The following C7orf25 variants were observed in gnomAD, a reference collection of about 807,000 sequenced individuals.
C7orf25 encodes the protein chromosome 7 open reading frame 25, also known as UPF0415 protein C7orf25.
C7orf25 carries 14 observed loss-of-function variants against 25.5 expected under a neutral mutation model. The observed-to-expected ratio is 0.55, with a 90% CI of 0.36 to 0.86. The LOEUF is 0.86. C7orf25 is among the 40% of genes least tolerant of loss of function. C7orf25 has a pLI of 0.01. For missense variants in C7orf25, 405 were observed against 493.9 expected (o/e 0.82, Z 1.71); for synonymous variants, 184 against 179.9 (o/e 1.02, Z -0.18).
intron 1 of C7orf25, chr7:42,911,143 C>A: frequency 3.7e-6 from 3 of 809,222 alleles, no homozygotes; most frequent in Admixed American, 4.1e-5. Context: ...GTCTGACACA[C>A]TTTAGACCTT....
At position 42,909,619 on chromosome 7, in the gene C7orf25, T is replaced by C. The variant is rs1785832086; in HGVS notation, c.*16A>G. The C allele has an allele frequency of 1.3e-6, 2 of 1,585,006 alleles. No individual in the cohort carries two copies. The highest frequency in any genetic ancestry group is 1.7e-6 in the Non-Finnish European group (2 of 1,167,390). ...TATAAATAACTTACTTCCACAAAAA[T>C]ATTTAAAGGGTATCTTTAGTGTTCA... On this transcript the variant is annotated 3_prime_UTR_variant, in exon 2 of 2. Coordinates refer to ENST00000350427, the MANE Select transcript of C7orf25 (RefSeq NM_001099858.2).
At chr7:42,911,099 T>C (rs1429650516) in intron 1 of C7orf25, 178 bp from the exon 2 acceptor site, 4 of 1,069,302 alleles carry the variant, frequency 3.7e-6, no homozygotes, top group Non-Finnish European at 5.5e-6. Context: ...AAGGAAAGGA[T>C]GGCAGCTACA....
intron 1 of C7orf25, 86 bp downstream of exon 1, chr7:42,911,829 C>CGCCGG (rs1172647509): frequency 1.5e-6 from 2 of 1,300,376 alleles, no homozygotes; most frequent in African/African-American, 3.1e-5. Context: ...ACCCCCTTCC[C>CGCCGG]GCCGGGCCGG....
chr7:42,910,717 A>C lies in C7orf25; in HGVS notation c.184T>G (p.Ser62Ala). 1 of 1,614,076 alleles carries C rather than the reference A, an allele frequency of 6.2e-7. No homozygotes were observed. The highest frequency in any genetic ancestry group is 8.5e-7 in the Non-Finnish European group (1 of 1,180,022). Residue 62 changes from serine (S) to alanine (A), a missense_variant, in exon 2 of 2, where the codon TCT becomes GCT. Physicochemically the swap from Ser to Ala is moderately conservative, Grantham distance 99. Coordinates refer to ENST00000350427, the MANE Select transcript of C7orf25 (RefSeq NM_001099858.2). ...VEAGKVAIKE[S>A]HLQSTNLTHL... ...GTTAGGTTAGTGCTCTGTAAATGAG[A>C]CTCTTTAATAGCTACTTTCCCAGCT...
chr7:42,911,068 T>C (rs1402198400), intron 1 of C7orf25, 147 bp from the exon 2 acceptor site: 12 of 1,316,032 alleles, frequency 9.1e-6, no homozygotes, highest in Non-Finnish European at 1.2e-5. Context: ...CATTCTGGAG[T>C]GACTGCTTCC....
Position 42,912,004 on chromosome 7 carries a change from C to T in C7orf25, c.-111G>A, listed in dbSNP as rs1197174863. On this transcript the variant is annotated 5_prime_UTR_variant, in exon 1 of 2. The change creates a new upstream start codon in the 5' untranslated region. Transcript: ENST00000350427. ...GGAAATCTCAACCGGGCAGCCCCCA[C>T]CCCGCTCGAACGCCGAGGCGGCTCC... 6.7e-7 allele frequency: 1 copy of T among 1,488,002 alleles called. No homozygotes were observed. The highest frequency in any genetic ancestry group is 8.9e-7 in the Non-Finnish European group (1 of 1,126,628). The allele number at this position is 1,488,002 out of a possible 1,614,324, so 92.2% of individuals were successfully genotyped here. A position where few individuals can be genotyped will look rare whatever the true frequency, so the allele number is the denominator to read the frequency against.
In C7orf25 at chr7:42,910,268, T is replaced by C. The variant is rs772537396; in HGVS notation, c.633A>G (p.Glu211=). ...AAAGTTCAGGGCCCTCATCATCTGA[T>C]TCACTCTCACTTGGTTGAAGCTCTT... The part of the protein sequence containing the change: ...HPEELQPSES[E]SDDEGPELLQ... The change falls in exon 2 of 2, where the codon GAA becomes GAG. Residue 211 remains glutamate, a synonymous_variant. Transcript: ENST00000350427. The C allele has an allele frequency of 4.3e-6, 7 of 1,614,220 alleles. No homozygotes were observed. The South Asian group carries it at 7.7e-5, about 18-fold the overall frequency.
rs1785894301 is a variant in C7orf25 at position 42,911,482 on chromosome 7, A to G, written c.-22+433T>C. The G allele has an allele frequency of 1.5e-5, 15 of 1,002,272 alleles. No individual in the cohort carries two copies. In the South Asian group the frequency reaches 4.7e-4, roughly 31 times the overall value. The allele number at this position is 1,002,272 out of a possible 1,614,324, so 62.1% of individuals were successfully genotyped here. ...GGGGTACTTACGCCAAAAAAAATCA[A>G]CACTGCCTCATTTCTGCATTTGACG... On this transcript the variant is annotated intron_variant, in intron 1 of 1. Coordinates refer to ENST00000350427, the MANE Select transcript of C7orf25 (RefSeq NM_001099858.2).
Position 42,911,946 on chromosome 7 carries a change from C to T in C7orf25, c.-53G>A. ...CGCCAGAACCGCGAGCGCGAGCACG[C>T]AGGCGCGTGCACGCAGAGGCCGGGA... On this transcript the variant is annotated 5_prime_UTR_variant, in exon 1 of 2. Transcript: ENST00000350427. The T allele has an allele frequency of 6.7e-7, 1 of 1,486,054 alleles. No homozygotes were observed. Among genetic ancestry groups the T allele is most frequent in the Non-Finnish European group, 8.9e-7 (1 of 1,125,702 alleles). 92.1% of individuals were successfully genotyped at this position (1,486,054 alleles called of 1,614,324 possible).
At position 42,911,950 on chromosome 7, in the gene C7orf25, C is replaced by A; in HGVS notation, c.-57G>T. On this transcript the variant is annotated 5_prime_UTR_variant, in exon 1 of 2. Coordinates refer to ENST00000350427, the MANE Select transcript of C7orf25 (RefSeq NM_001099858.2). ...AGAACCGCGAGCGCGAGCACGCAGGCGCGTGCACGCAGAGGCCGGGACCCG... is the reference window on the plus strand; with the variant it reads ...AGAACCGCGAGCGCGAGCACGCAGGAGCGTGCACGCAGAGGCCGGGACCCG... 2.7e-6 allele frequency: 4 copies of A among 1,488,724 alleles called. No individual in the cohort carries two copies. The South Asian group carries it at 5.0e-5, about 19-fold the overall frequency. The allele number at this position is 1,488,724 out of a possible 1,614,324, so 92.2% of individuals were successfully genotyped here.
intron 1 of C7orf25, chr7:42,911,501 T>C (rs1044770299): frequency 2.6e-5 from 26 of 1,001,092 alleles, no homozygotes; most frequent in Non-Finnish European, 3.1e-5. Flanking sequence ...CATTTCTGCA[T>C]TTGACGTCAA....
chr7:42,911,120 C>T (rs1440627876), intron 1 of C7orf25, 199 bp from the exon 2 acceptor site: 1 of 928,650 alleles, frequency 1.1e-6, no homozygotes, highest in African/African-American at 1.6e-5. Flanking sequence ...CTTTTGAACT[C>T]TTCTTTAGGT....
chr7:42,909,984 G>C lies in C7orf25; in HGVS notation c.917C>G (p.Ser306Cys), dbSNP rs747989444. Residue 306 changes from serine (S) to cysteine (C), a missense_variant, in exon 2 of 2, where the codon TCT becomes TGT. By Grantham distance (112) the Ser-to-Cys change is moderately radical. Coordinates refer to ENST00000350427, the MANE Select transcript of C7orf25 (RefSeq NM_001099858.2). ...MKDKELFACE[S>C]AVKDFQSILD... ...AATAGACTGAAAGTCCTTGACAGCA[G>C]ATTCACAAGCAAACAACTCCTTGTC... 3 of 1,614,160 alleles carry C rather than the reference G, an allele frequency of 1.9e-6. No homozygotes were observed. Among genetic ancestry groups the C allele is most frequent in the Non-Finnish European group, 2.5e-6 (3 of 1,180,034 alleles).
At chr7:42,911,649 G>A in intron 1 of C7orf25, 1 of 1,104,898 alleles carries the variant, frequency 9.1e-7, no homozygotes, top group Admixed American at 5.1e-5. Flanking sequence ...CCCAGCGCAG[G>A]TCGCCGGGTG....
chr7:42,910,412 A>G lies in C7orf25; in HGVS notation c.489T>C (p.Pro163=). ...TGTTGTAAAATGCAAAGATGATGTG[A>G]GGGTTGCTATACTGCACTGGCTGCT... The part of the protein sequence containing the change: ...SHQQPVQYSN[P]HIIFAFYNSV... The change falls in exon 2 of 2, where the codon CCT becomes CCC. Residue 163 remains proline, a synonymous_variant. Coordinates refer to ENST00000350427, the MANE Select transcript of C7orf25 (RefSeq NM_001099858.2). 2 of 1,614,214 alleles carry G rather than the reference A, an allele frequency of 1.2e-6. No homozygotes were observed. Among genetic ancestry groups the G allele is most frequent in the Non-Finnish European group, 1.7e-6 (2 of 1,180,050 alleles).
In C7orf25 at chr7:42,909,497, A is replaced by G; in HGVS notation, c.*138T>C. 5.8e-6 allele frequency: 5 copies of G among 867,630 alleles called. No individual in the cohort carries two copies. Among genetic ancestry groups the G allele is most frequent in the Non-Finnish European group, 6.9e-6 (4 of 576,618 alleles). The allele number at this position is 867,630 out of a possible 1,614,324, so 53.7% of individuals were successfully genotyped here. A position where few individuals can be genotyped will look rare whatever the true frequency, so the allele number is the denominator to read the frequency against. On this transcript the variant is annotated 3_prime_UTR_variant, in exon 2 of 2. Transcript: ENST00000350427. ...TTTGGGAGGTTATATACTTTAGATG[A>G]GAGACAAAGAAACTCTACTGGTTTA...
rs573990305 is a variant in C7orf25, at chr7:42,909,358, A to G, written c.*277T>C. ...TTAGCAGTAGGGGAGTTGTAGCCCT[A>G]TCGAATCAAAGTATTACAATACAGC... On this transcript the variant is annotated 3_prime_UTR_variant, in exon 2 of 2. Coordinates refer to ENST00000350427, the MANE Select transcript of C7orf25 (RefSeq NM_001099858.2). The G allele has an allele frequency of 1.4e-4, 49 of 339,352 alleles. No individual in the cohort carries two copies. The highest frequency in any genetic ancestry group is 9.3e-4 in the African/African-American group (44 of 47,176). 21.0% of individuals were successfully genotyped at this position (339,352 alleles called of 1,614,324 possible).
intron 1 of C7orf25, chr7:42,911,231 T>C (rs1785887311): frequency 1.0e-5 from 6 of 590,726 alleles, no homozygotes; most frequent in South Asian, 1.9e-5. Flanking sequence ...GGCAATCTGC[T>C]ATATAAATAA....
chr7:42,911,752 C>G, intron 1 of C7orf25, 163 bp downstream of exon 1: 1 of 1,226,720 alleles, frequency 8.2e-7, no homozygotes, highest in Non-Finnish European at 1.0e-6. Context: ...CCAGGAGGGG[C>G]CGGGGCCGAA....
Sources: allele counts gnomAD v4.1 joint callset, GRCh38; gene constraint gnomAD v4.1.1; transcripts MANE v1.5; gene names NCBI Gene and HGNC (gene_info 2026-07-23, HGNC 2026-07-21).